TMEM44: variants seen among roughly 807,000 people sequenced by gnomAD.
TMEM44 encodes transmembrane protein 44.
In TMEM44, 43 loss-of-function variants were observed where a neutral mutation model predicts 47.8. The observed-to-expected ratio is 0.90, with a 90% CI of 0.70 to 1.16. TMEM44 has a LOEUF of 1.16. TMEM44 is among the 50% of genes most tolerant of loss of function. TMEM44 has a pLI of 0.00. For synonymous variants in TMEM44, 277 were observed against 238.8 expected (o/e 1.16, Z -1.48); for missense variants, 568 against 555.2 (o/e 1.02, Z -0.23).
rs139916052 is a variant in TMEM44 at position 194,623,288 on chromosome 3, T to C, written c.548A>G (p.Tyr183Cys). The change falls in exon 5 of 10, where the codon TAC becomes TGC. Residue 183 changes from tyrosine (Y) to cysteine (C), a missense_variant. Tyr to Cys is a radical substitution (Grantham distance 194). Coordinates refer to ENST00000347147, the MANE Select transcript of TMEM44 (RefSeq NM_001011655.3). ...LLQENTEILG[Y>C]LLGSVAAFGS... ...AAAGGCAGCAACGCTACCCAGCAGG[T>C]AGCCGAGGATCTCAGTATTTTCCTG... 6.4e-4 allele frequency: 1,032 copies of C among 1,609,690 alleles called. 1 individual carries two copies. The highest frequency in any genetic ancestry group is 8.4e-4 in the Non-Finnish European group (988 of 1,178,190).
chr3:194,592,425 T>C (rs1718699162), intron 9 of TMEM44, among the ~76,000 whole-genome samples: 1 of 152,216 alleles, frequency 6.6e-6, no homozygotes, highest in South Asian at 2.1e-4. Context: ...TGTCTGGAAC[T>C]GTTTATTGCA....
rs789837 is a variant in TMEM44, at chr3:194,588,799, G to A, written c.1177-160C>T. Among the ~76,000 whole-genome samples, 50,634 of 151,960 alleles carry A rather than the reference G, an allele frequency of 0.33. 9,671 individuals carry two copies. Among genetic ancestry groups the A allele is most frequent in the Non-Finnish European group, 0.44 (30,223 of 67,934 alleles). On this transcript the variant is annotated intron_variant, in intron 9 of 9. Coordinates refer to ENST00000347147, the MANE Select transcript of TMEM44 (RefSeq NM_001011655.3). ...ACAAGTTACCCAGGCCTGTGTTTCT[G>A]GGACCTAAGGAGGCAAGCATAACTT...
chr3:194,588,160 A>G lies in TMEM44; in HGVS notation c.*369T>C, dbSNP rs3818946. On this transcript the variant is annotated 3_prime_UTR_variant, in exon 10 of 10. Coordinates refer to ENST00000347147, the MANE Select transcript of TMEM44 (RefSeq NM_001011655.3). ...TGAGATCTAACCAGACACATTTGCTATCTGTTAGGTGAGCTCATTCCTGGA... is the reference window on the plus strand; with the variant it reads ...TGAGATCTAACCAGACACATTTGCTGTCTGTTAGGTGAGCTCATTCCTGGA... 47,149 of 194,030 alleles carry G rather than the reference A, an allele frequency of 0.24. 6,634 individuals are homozygous for G. Among genetic ancestry groups the G allele is most frequent in the African/African-American group, 0.39 (16,589 of 42,358 alleles). 12.0% of individuals were successfully genotyped at this position (194,030 alleles called of 1,614,324 possible).
At chr3:194,626,269 T>G (rs1395676507) in intron 2 of TMEM44, among the ~76,000 whole-genome samples, 1 of 152,206 alleles carries the variant, frequency 6.6e-6, no homozygotes, top group Non-Finnish European at 1.5e-5. Context: ...TTCCACACAC[T>G]TCCCACTGCG....
At chr3:194,601,238 G>A (rs1448831005) in intron 9 of TMEM44, among the ~76,000 whole-genome samples, 1 of 151,312 alleles carries the variant, frequency 6.6e-6, no homozygotes, top group Non-Finnish European at 1.5e-5. Context: ...CCGCCCCTCC[G>A]GGTTCAAACG....
At chr3:194,595,206 A>G (rs143270978) in intron 9 of TMEM44, among the ~76,000 whole-genome samples, 1 of 152,356 alleles carries the variant, frequency 6.6e-6, no homozygotes, top group African/African-American at 2.4e-5. Flanking sequence ...TTAACATACA[A>G]TGAGCATTTC....
chr3:194,628,817 C>A (rs995658359), intron 1 of TMEM44, among the ~76,000 whole-genome samples: 2 of 152,088 alleles, frequency 1.3e-5, no homozygotes, highest in Admixed American at 6.6e-5. Flanking sequence ...CCACCTAGCA[C>A]TGAAAAAGCA....
At chr3:194,591,230 C>A (rs951857234) in intron 9 of TMEM44, among the ~76,000 whole-genome samples, 3 of 151,744 alleles carry the variant, frequency 2.0e-5, no homozygotes, top group Admixed American at 1.3e-4. Context: ...TGGTGGCTCA[C>A]GCCTGTAATC....
rs114905877 is a variant in TMEM44, at chr3:194,598,412, G to A, written c.1176+5875C>T. Among the ~76,000 whole-genome samples, 913 of 137,292 alleles carry A rather than the reference G, an allele frequency of 6.7e-3. 11 individuals carry two copies. The highest frequency in any genetic ancestry group is 0.024 in the African/African-American group (854 of 35,372). 90.1% of individuals were successfully genotyped at this position (137,292 alleles called of 152,430 possible). The stretch of plus-strand genomic sequence containing the variant: ...ACCTTCCCGGGTACCAGTCTCTGCC[G>A]AGGCAGTGGAGTGCAGTGGTTAATA... On this transcript the variant is annotated intron_variant, in intron 9 of 9. Transcript: ENST00000347147.
At chr3:194,608,748 G>A (rs926602298) in intron 8 of TMEM44, among the ~76,000 whole-genome samples, 1 of 152,180 alleles carries the variant, frequency 6.6e-6, no homozygotes, top group Non-Finnish European at 1.5e-5. Flanking sequence ...TCGCTATGTG[G>A]TCCAGGCTGG....
At chr3:194,617,325 G>C in intron 5 of TMEM44, 56 bp from the exon 6 acceptor site, 1 of 1,459,256 alleles carries the variant, frequency 6.9e-7, no homozygotes, top group Non-Finnish European at 9.1e-7. Context: ...CAAGACCCAG[G>C]GCCCTCAGTG....
chr3:194,594,820 T>C lies in TMEM44; in HGVS notation c.1177-6181A>G, dbSNP rs192518389. Among the ~76,000 whole-genome samples, 1,479 of 152,256 alleles carry C rather than the reference T, an allele frequency of 9.7e-3. 72 individuals carry two copies. Among genetic ancestry groups the C allele is most frequent in the Admixed American group, 0.089 (1,355 of 15,284 alleles). On this transcript the variant is annotated intron_variant, in intron 9 of 9. Transcript: ENST00000347147. ...CTCCCAGCTGTGCTGAAATGAAACC[T>C]TGAAACTTCCTTTACAAAGCTTAAA...
At chr3:194,609,297 C>T (rs558756554) in intron 8 of TMEM44, among the ~76,000 whole-genome samples, 1 of 152,134 alleles carries the variant, frequency 6.6e-6, no homozygotes, top group Non-Finnish European at 1.5e-5. Context: ...GTGTGCAGAG[C>T]GAGGGGACTG....
intron 1 of TMEM44, among the ~76,000 whole-genome samples, chr3:194,629,761 T>C (rs1309674841): frequency 1.9e-5 from 1 of 51,524 alleles, no homozygotes. Flanking sequence ...GCGTCACTGA[T>C]AGGGCCCCTG....
In TMEM44 at chr3:194,593,124, A is replaced by G. The variant is rs114773252; in HGVS notation, c.1177-4485T>C. 2.5e-3 allele frequency: 3,981 copies of G among 1,594,076 alleles called. 66 individuals carry two copies. The highest frequency in any genetic ancestry group is 0.023 in the African/African-American group (1,743 of 74,520). Reference sequence around the variant, plus strand: ...AAAGTGTTGGACAGATTTTGCCACCATCCCACAGCAGAGCAGAGCTCAGGA... The same window carrying G: ...AAAGTGTTGGACAGATTTTGCCACCGTCCCACAGCAGAGCAGAGCTCAGGA... On this transcript the variant is annotated intron_variant, in intron 9 of 9. Coordinates refer to ENST00000347147, the MANE Select transcript of TMEM44 (RefSeq NM_001011655.3).
At chr3:194,600,528 C>T (rs113036338) in intron 9 of TMEM44, among the ~76,000 whole-genome samples, 1,955 of 152,042 alleles carry the variant, frequency 0.013, 44 homozygotes, top group African/African-American at 0.045. Flanking sequence ...GTGGGCAGGT[C>T]ACGAGGTCAG....
chr3:194,622,431 C>T (rs1271428615), intron 5 of TMEM44: 3 of 152,172 alleles, frequency 2.0e-5, no homozygotes, highest in Non-Finnish European at 4.4e-5. Context: ...TTCCATGAGA[C>T]TGAGCTCCCG....
chr3:194,590,345 C>G (rs2109143154), intron 9 of TMEM44: 1 of 152,378 alleles, frequency 6.6e-6, no homozygotes, highest in East Asian at 1.9e-4. Context: ...CCTGCAGTGA[C>G]TGGGTTTGGG....
rs1712117253 is a variant in TMEM44, at chr3:194,588,364, T to A, written c.*165A>T. 1.6e-6 allele frequency: 1 copy of A among 613,264 alleles called. No individual in the cohort carries two copies. Among genetic ancestry groups the A allele is most frequent in the East Asian group, 2.8e-5 (1 of 36,132 alleles). 38.0% of individuals were successfully genotyped at this position (613,264 alleles called of 1,614,324 possible). ...AGTACCCAAAGTCGTAGCTCCGTGA[T>A]GAGCTATGATGTAGCCCAGCCACAC... On this transcript the variant is annotated 3_prime_UTR_variant, in exon 10 of 10. Transcript: ENST00000347147.
Sources: allele counts gnomAD v4.1 joint callset (sites outside exome capture counted in the v4.1 genomes callset), GRCh38; gene constraint gnomAD v4.1.1; transcripts MANE v1.5; gene names NCBI Gene and HGNC (gene_info 2026-07-23, HGNC 2026-07-21).